Variants in LRMDA observed in about 807,000 individuals in gnomAD.
LRMDA encodes leucine-rich melanocyte differentiation-associated protein.
LRMDA carries 18 observed loss-of-function variants against 29.8 expected under a neutral mutation model. The observed-to-expected ratio is 0.60, with a 90% CI of 0.42 to 0.90. LRMDA has a LOEUF of 0.90. Ranked by LOEUF, LRMDA falls within the 40% of genes least tolerant of loss-of-function variation. The pLI is 0.00. For synonymous variants in LRMDA, 125 were observed against 109.4 expected (o/e 1.14, Z -0.89); for missense variants, 273 against 273.9 (o/e 1.00, Z 0.02).
intron 5 of LRMDA, among the ~76,000 whole-genome samples, chr10:76,164,481 T>G (rs1352729289): frequency 6.6e-6 from 1 of 152,210 alleles, no homozygotes; most frequent in Non-Finnish European, 1.5e-5. Flanking sequence ...TGTTTGTTTG[T>G]TTTTACATAT....
At chr10:75,491,862 C>T (rs1035308193) in intron 2 of LRMDA, among the ~76,000 whole-genome samples, 2 of 152,044 alleles carry the variant, frequency 1.3e-5, no homozygotes, top group African/African-American at 2.4e-5. Context: ...TATAAAACTC[C>T]GTGAGCAAAT....
At chr10:75,472,723 C>A (rs1344389183) in intron 2 of LRMDA, among the ~76,000 whole-genome samples, 1 of 152,238 alleles carries the variant, frequency 6.6e-6, no homozygotes, top group East Asian at 1.9e-4. Context: ...AAAGAGTGAT[C>A]TCTGCAGTTT....
intron 6 of LRMDA, among the ~76,000 whole-genome samples, chr10:76,550,490 C>T (rs1843481168): frequency 6.7e-6 from 1 of 148,852 alleles, no homozygotes; most frequent in Admixed American, 6.7e-5. Context: ...ACCCCCCACC[C>T]CCGGCCCCCA....
chr10:75,857,511 TCAAA>T (rs1212799044), intron 2 of LRMDA, among the ~76,000 whole-genome samples: 1 of 152,192 alleles, frequency 6.6e-6, no homozygotes, highest in Admixed American at 6.5e-5. Flanking sequence ...TGCTGTTTGC[TCAAA>T]CAAAGGATTG....
chr10:76,275,766 G>A (rs1840123407), intron 5 of LRMDA, among the ~76,000 whole-genome samples: 1 of 152,052 alleles, frequency 6.6e-6, no homozygotes. Flanking sequence ...AGTAGATTTG[G>A]TGAGTTTTTG....
chr10:75,627,538 G>C (rs1841266312), intron 2 of LRMDA, among the ~76,000 whole-genome samples: 1 of 152,186 alleles, frequency 6.6e-6, no homozygotes, highest in South Asian at 2.1e-4. Context: ...GATGAGTCTG[G>C]CTGTTCAAAC....
At chr10:75,576,322 C>T (rs920311366) in intron 2 of LRMDA, among the ~76,000 whole-genome samples, 1 of 152,228 alleles carries the variant, frequency 6.6e-6, no homozygotes, top group Non-Finnish European at 1.5e-5. Flanking sequence ...TCTCCAGATT[C>T]CCTCCTCTCT....
intron 5 of LRMDA, among the ~76,000 whole-genome samples, chr10:76,186,606 T>C (rs1217298833): frequency 6.6e-6 from 1 of 152,242 alleles, no homozygotes; most frequent in Admixed American, 6.5e-5. Context: ...GAGTGGGTAC[T>C]CTGTCACTTC....
chr10:75,681,216 G>C (rs1842018655), intron 2 of LRMDA, among the ~76,000 whole-genome samples: 1 of 152,210 alleles, frequency 6.6e-6, no homozygotes, highest in Admixed American at 6.5e-5. Flanking sequence ...ACCAAGAAGA[G>C]AGGAGTTAAG....
At chr10:75,963,476 T>A (rs529196725) in intron 2 of LRMDA, among the ~76,000 whole-genome samples, 1 of 152,332 alleles carries the variant, frequency 6.6e-6, no homozygotes, top group Non-Finnish European at 1.5e-5. Context: ...TTCTTCATGA[T>A]TGTGTTTTGT....
intron 2 of LRMDA, among the ~76,000 whole-genome samples, chr10:76,019,044 G>C (rs1269247852): frequency 3.3e-5 from 5 of 152,082 alleles, no homozygotes; most frequent in Non-Finnish European, 5.9e-5. Context: ...TTTAGTTTAC[G>C]CCATTTTCCT....
intron 5 of LRMDA, among the ~76,000 whole-genome samples, chr10:76,227,591 T>C (rs1851983658): frequency 6.6e-6 from 1 of 152,210 alleles, no homozygotes; most frequent in Non-Finnish European, 1.5e-5. Flanking sequence ...AAGATTCTTT[T>C]AGCCAAATTG....
At chr10:75,664,380 T>C (rs1841794507) in intron 2 of LRMDA, among the ~76,000 whole-genome samples, 1 of 152,242 alleles carries the variant, frequency 6.6e-6, no homozygotes, top group Non-Finnish European at 1.5e-5. Context: ...AGAATTTATA[T>C]TGACTACCAA....
intron 5 of LRMDA, among the ~76,000 whole-genome samples, chr10:76,125,116 C>G (rs752839335): frequency 1.3e-5 from 2 of 152,096 alleles, no homozygotes; most frequent in Non-Finnish European, 2.9e-5. Flanking sequence ...TTCTTTTGGC[C>G]TTTGAAGAAG....
chr10:76,437,288 A>G (rs1203349130), intron 6 of LRMDA: 3 of 152,174 alleles, frequency 2.0e-5, no homozygotes, highest in African/African-American at 7.2e-5. Flanking sequence ...TTCAAGTTAG[A>G]GAATTTTAGA....
At position 76,047,161 on chromosome 10, in the gene LRMDA, CA is replaced by C. The variant is rs1299288297; in HGVS notation, c.259-2del. On this transcript the variant is annotated splice_acceptor_variant, in intron 3 of 6. Transcript: ENST00000611255. LOFTEE classifies it high-confidence loss of function. Reference sequence around the variant, plus strand: ...CTGGACCAAGATTCTTAACCTTTGTCACATCACTGATTTGGAGAACCTGCTG... The same window carrying C: ...CTGGACCAAGATTCTTAACCTTTGTCCATCACTGATTTGGAGAACCTGCTG... 9.3e-6 allele frequency: 15 copies of C among 1,613,792 alleles called. No individual in the cohort carries two copies. Among genetic ancestry groups the C allele is most frequent in the African/African-American group, 2.7e-5 (2 of 74,914 alleles).
At chr10:75,553,362 T>C (rs1048596424) in intron 2 of LRMDA, among the ~76,000 whole-genome samples, 1 of 152,230 alleles carries the variant, frequency 6.6e-6, no homozygotes. Flanking sequence ...CAAGTTTCCA[T>C]TTCATCCTCA....
intron 2 of LRMDA, among the ~76,000 whole-genome samples, chr10:75,769,136 G>A (rs1042955196): frequency 2.6e-5 from 4 of 152,226 alleles, no homozygotes; most frequent in African/African-American, 9.6e-5. Context: ...CATGCTGTCA[G>A]ATTGGAGAAG....
chr10:75,628,295 C>A (rs1381299494), intron 2 of LRMDA, among the ~76,000 whole-genome samples: 1 of 152,142 alleles, frequency 6.6e-6, no homozygotes, highest in African/African-American at 2.4e-5. Flanking sequence ...AATTCCCTGG[C>A]AAATGGCAAC....
Sources: allele counts gnomAD v4.1 joint callset (sites outside exome capture counted in the v4.1 genomes callset), GRCh38; gene constraint gnomAD v4.1.1; transcripts MANE v1.5; gene names NCBI Gene and HGNC (gene_info 2026-07-23, HGNC 2026-07-21).